CNTNAP2: variants seen among roughly 807,000 people sequenced by gnomAD.
CNTNAP2 encodes contactin associated protein 2, also known as contactin-associated protein-like 2.
In CNTNAP2, 98 loss-of-function variants were observed where a neutral mutation model predicts 155.2. The observed-to-expected ratio is 0.63, with a 90% confidence interval of 0.54 to 0.75. The LOEUF (loss-of-function observed/expected upper bound fraction) is 0.75, where lower values mean the gene tolerates loss of function less well. CNTNAP2 is among the 30% of genes least tolerant of loss of function. CNTNAP2 has a pLI of 0.00. For synonymous variants in CNTNAP2, 651 were observed against 631.2 expected (o/e 1.03, Z -0.47); for missense variants, 1,727 against 1,688.1 (o/e 1.02, Z -0.40).
intron 1 of CNTNAP2, among the ~76,000 whole-genome samples, chr7:146,401,348 A>G (rs972911720): frequency 6.6e-6 from 1 of 152,186 alleles, no homozygotes; most frequent in Non-Finnish European, 1.5e-5. Flanking sequence ...AGCTGGTGGC[A>G]GAGAAAAAAA....
In CNTNAP2 at chr7:147,142,853, C is replaced by T. The variant is rs182593319; in HGVS notation, c.1348+10344C>T. 1.2e-4 allele frequency among the ~76,000 whole-genome samples: 19 copies of T among 152,240 alleles called. No individual in the cohort carries two copies. In the East Asian group the frequency reaches 3.3e-3, roughly 26 times the overall value. ...ATTTGGCCTCATTTCTCCTACTTTG[C>T]GTCATATTGACTACTTTCCACTCCC... On this transcript the variant is annotated intron_variant, in intron 8 of 23. Coordinates refer to ENST00000361727, the MANE Select transcript of CNTNAP2 (RefSeq NM_014141.6).
chr7:147,061,910 C>G (rs112306868), intron 4 of CNTNAP2, among the ~76,000 whole-genome samples: 4 of 151,824 alleles, frequency 2.6e-5, no homozygotes, highest in Non-Finnish European at 4.4e-5. Context: ...GGGCGGATCA[C>G]GAGGTCAGGA....
chr7:148,061,279 G>A (rs115166576), intron 15 of CNTNAP2, among the ~76,000 whole-genome samples: 1,883 of 152,200 alleles, frequency 0.012, 41 homozygotes, highest in African/African-American at 0.042. Flanking sequence ...ATTTTAAGAG[G>A]ATTTAAAAGA....
intron 9 of CNTNAP2, among the ~76,000 whole-genome samples, chr7:147,358,446 A>G (rs1180918108): frequency 6.6e-6 from 1 of 152,160 alleles, no homozygotes; most frequent in African/African-American, 2.4e-5. Flanking sequence ...GTAAAAACAT[A>G]AAGTAAATTA....
At chr7:147,107,409 G>C (rs1018450529) in intron 4 of CNTNAP2, among the ~76,000 whole-genome samples, 3 of 152,126 alleles carry the variant, frequency 2.0e-5, no homozygotes, top group Admixed American at 6.5e-5. Context: ...ACTAAAATTA[G>C]AGCTGCTGTA....
rs539875350 is a variant in CNTNAP2 at position 146,648,961 on chromosome 7, C to T, written c.98-125310C>T. On this transcript the variant is annotated intron_variant, in intron 1 of 23. Transcript: ENST00000361727. ...TTGGCGGACAGATGATGGGAAATAC[C>T]GCTCTTGCTTTGTAGTAGACAGAAG... 1.8e-4 allele frequency among the ~76,000 whole-genome samples: 28 copies of T among 152,004 alleles called. No homozygotes were observed. In the East Asian group the frequency reaches 2.3e-3, roughly 13 times the overall value.
At chr7:148,144,229 C>T (rs1805132748) in intron 16 of CNTNAP2, among the ~76,000 whole-genome samples, 2 of 152,178 alleles carry the variant, frequency 1.3e-5, no homozygotes, top group South Asian at 4.1e-4. Flanking sequence ...GTGTCTTCCT[C>T]TGGGACAGAG....
chr7:146,934,505 G>A (rs570970883), intron 3 of CNTNAP2, among the ~76,000 whole-genome samples: 5 of 151,396 alleles, frequency 3.3e-5, no homozygotes, highest in African/African-American at 1.2e-4. Context: ...GCTAAATGAC[G>A]AGTTAATGGG....
chr7:148,090,027 A>C (rs1803807786), intron 15 of CNTNAP2, among the ~76,000 whole-genome samples: 1 of 151,990 alleles, frequency 6.6e-6, no homozygotes, highest in African/African-American at 2.4e-5. Context: ...GGGAAAGGAC[A>C]GTCTCTTCAA....
intron 10 of CNTNAP2, among the ~76,000 whole-genome samples, chr7:147,472,293 A>G (rs547012203): frequency 7.2e-6 from 1 of 139,262 alleles, no homozygotes; most frequent in East Asian, 2.2e-4. Context: ...GCTCACTGCA[A>G]CCTTTGCCTC....
chr7:147,570,278 A>G (rs559834691), intron 12 of CNTNAP2, among the ~76,000 whole-genome samples: 7 of 152,308 alleles, frequency 4.6e-5, no homozygotes, highest in African/African-American at 1.7e-4. Context: ...TGTACCCACC[A>G]GGTGGCTAGA....
intron 3 of CNTNAP2, among the ~76,000 whole-genome samples, chr7:147,035,544 T>C (rs568989475): frequency 1.3e-5 from 2 of 152,234 alleles, no homozygotes; most frequent in African/African-American, 4.8e-5. Flanking sequence ...AGAGTCATTT[T>C]ATGTTTTAAG....
chr7:147,594,451 A>G (rs1394503957), intron 12 of CNTNAP2, among the ~76,000 whole-genome samples: 1 of 152,126 alleles, frequency 6.6e-6, no homozygotes, highest in Non-Finnish European at 1.5e-5. Flanking sequence ...GTTTTTATTT[A>G]TCAAAAAGGT....
chr7:148,197,380 T>G (rs891172639), intron 18 of CNTNAP2, among the ~76,000 whole-genome samples: 1 of 152,130 alleles, frequency 6.6e-6, no homozygotes, highest in African/African-American at 2.4e-5. Context: ...ATCCTGAAAC[T>G]ATATATTAAA....
At chr7:146,555,941 AG>A (rs1314436008) in intron 1 of CNTNAP2, among the ~76,000 whole-genome samples, 4 of 152,224 alleles carry the variant, frequency 2.6e-5, no homozygotes, top group Non-Finnish European at 5.9e-5. Context: ...GTAAAGCTGA[AG>A]CTCAGTGCCT....
At chr7:148,367,348 T>G (rs992348017) in intron 21 of CNTNAP2, among the ~76,000 whole-genome samples, 3 of 152,150 alleles carry the variant, frequency 2.0e-5, no homozygotes, top group Admixed American at 6.5e-5. Flanking sequence ...CTAATAACAT[T>G]TAAAATCAGA....
At chr7:148,022,604 G>C (rs1187713502) in intron 15 of CNTNAP2, among the ~76,000 whole-genome samples, 1 of 152,154 alleles carries the variant, frequency 6.6e-6, no homozygotes, top group Non-Finnish European at 1.5e-5. Context: ...TGCCCTGTGT[G>C]GTTTTGGTCT....
At chr7:146,392,272 T>G (rs1273886257) in intron 1 of CNTNAP2, among the ~76,000 whole-genome samples, 3 of 151,112 alleles carry the variant, frequency 2.0e-5, no homozygotes, top group Non-Finnish European at 4.4e-5. Context: ...ATTAATAAAT[T>G]TTATGATTTC....
chr7:147,542,057 C>T (rs559566481), intron 11 of CNTNAP2, among the ~76,000 whole-genome samples: 9 of 152,188 alleles, frequency 5.9e-5, no homozygotes, highest in South Asian at 4.2e-4. Flanking sequence ...ATGACTATCA[C>T]GTGTTTTTCC....
Sources: allele counts gnomAD v4.1 joint callset (sites outside exome capture counted in the v4.1 genomes callset), GRCh38; gene constraint gnomAD v4.1.1; transcripts MANE v1.5; gene names NCBI Gene and HGNC (gene_info 2026-07-23, HGNC 2026-07-21).